Variants in PEX5L observed in about 807,000 individuals in gnomAD.
The protein encoded by PEX5L is peroxisomal biogenesis factor 5 like.
Under a neutral mutation model 84.0 loss-of-function variants are expected in PEX5L, and 30 were observed. The observed-to-expected ratio is 0.36, with a 90% CI of 0.27 to 0.48. PEX5L has a LOEUF of 0.48. Among genes scored for constraint, PEX5L ranks in the 20% least tolerant of loss-of-function variants. PEX5L has a pLI of 0.99. For synonymous variants in PEX5L, 270 were observed against 283.1 expected (o/e 0.95, Z 0.46); for missense variants, 533 against 754.6 (o/e 0.71, Z 3.44).
chr3:179,821,518 G>C (rs914374915), intron 8 of PEX5L, among the ~76,000 whole-genome samples: 11 of 152,192 alleles, frequency 7.2e-5, no homozygotes, highest in African/African-American at 2.4e-4. Flanking sequence ...ATAAGAACCA[G>C]CCCAATGTGA....
chr3:180,023,960 T>C (rs1282147560), intron 1 of PEX5L, among the ~76,000 whole-genome samples: 3 of 152,086 alleles, frequency 2.0e-5, no homozygotes, highest in Admixed American at 6.5e-5. Flanking sequence ...GATGTCTGGG[T>C]GAGGGGGCAC....
At chr3:180,034,138 CT>C (rs1175624105) in intron 1 of PEX5L, among the ~76,000 whole-genome samples, 2 of 152,314 alleles carry the variant, frequency 1.3e-5, no homozygotes, top group East Asian at 3.9e-4. Flanking sequence ...ACACCTGCCC[CT>C]ACTTCAAACT....
At position 179,809,555 on chromosome 3, in the gene PEX5L, T is replaced by C; in HGVS notation, c.1268A>G (p.Gln423Arg). 6.2e-7 allele frequency: 1 copy of C among 1,613,922 alleles called. No homozygotes were observed. Residue 423 changes from glutamine to arginine, a missense_variant, in exon 12 of 15, where the codon CAA (glutamine) becomes CGA (arginine). Around this residue, in one of 8 missense-constraint regions of PEX5L, gnomAD observed 63 missense variants for 60.2 expected, o/e 1.05. Coordinates refer to ENST00000467460, the MANE Select transcript of PEX5L (RefSeq NM_016559.3). ...CACAAGGTATTTGTACTTTGGATTT[T>C]GCTTAATCCAATTCTTCAGAGCGTC... ...ACDALKNWIK[Q>R]NPKYKYLVKS...
At position 179,796,305 on chromosome 3, in the gene PEX5L, CTCA is replaced by C. The variant is rs1295638620; in HGVS notation, c.*5520_*5522del. 6.6e-6 allele frequency: 1 copy of C among 152,074 alleles called. No homozygotes were observed. The highest frequency in any genetic ancestry group is 2.4e-5 in the African/African-American group (1 of 41,404). 9.4% of individuals were successfully genotyped at this position (152,074 alleles called of 1,614,324 possible). The stretch of plus-strand genomic sequence containing the variant: ...GGCTTCTATTAAGTATCCCACGGAG[CTCA>C]TCAGGGTTTTGCTCTGACATTCTGC... On this transcript the variant is annotated 3_prime_UTR_variant, in exon 15 of 15. Transcript: ENST00000467460.
intron 1 of PEX5L, among the ~76,000 whole-genome samples, chr3:180,033,620 G>A (rs550710814): frequency 6.6e-6 from 1 of 152,270 alleles, no homozygotes; most frequent in South Asian, 2.1e-4. Context: ...GGTATTGGTG[G>A]AATTAAGACC....
chr3:179,856,004 T>G (rs997797348), intron 8 of PEX5L, among the ~76,000 whole-genome samples: 1 of 152,186 alleles, frequency 6.6e-6, no homozygotes, highest in Non-Finnish European at 1.5e-5. Context: ...AACTCTGGAG[T>G]CTGGGTGAGA....
At chr3:179,954,204 CGGGG>C (rs542442468) in intron 2 of PEX5L, among the ~76,000 whole-genome samples, 1 of 89,568 alleles carries the variant, frequency 1.1e-5, no homozygotes, top group African/African-American at 4.2e-5. Flanking sequence ...AACCATTAGT[CGGGG>C]GGGGGGGAAA....
intron 2 of PEX5L, among the ~76,000 whole-genome samples, chr3:179,911,835 T>C (rs1376238048): frequency 6.6e-6 from 1 of 152,160 alleles, no homozygotes; most frequent in African/African-American, 2.4e-5. Context: ...TGTTAGGAAA[T>C]CTATCCAACC....
intron 3 of PEX5L, 88 bp downstream of exon 3, chr3:179,898,054 T>C: frequency 1.3e-6 from 1 of 784,098 alleles, no homozygotes; most frequent in Non-Finnish European, 2.0e-6. Context: ...GTTCAAGAGT[T>C]AAAGTTTTTT....
chr3:179,812,589 A>G (rs1724312539), intron 10 of PEX5L, among the ~76,000 whole-genome samples: 1 of 149,718 alleles, frequency 6.7e-6, no homozygotes, highest in Admixed American at 6.6e-5. Flanking sequence ...GTTGGTTGCA[A>G]TTGTTTGCTA....
At chr3:179,945,989 A>G (rs1777431307) in intron 2 of PEX5L, among the ~76,000 whole-genome samples, 1 of 151,830 alleles carries the variant, frequency 6.6e-6, no homozygotes, top group Admixed American at 6.6e-5. Context: ...GAGTGTACAG[A>G]TAGATGTGTT....
At chr3:179,817,415 C>A (rs1268129471) in intron 9 of PEX5L, among the ~76,000 whole-genome samples, 1 of 152,122 alleles carries the variant, frequency 6.6e-6, no homozygotes, top group African/African-American at 2.4e-5. Context: ...TATTGATGAA[C>A]ATTCAGGTTA....
At chr3:180,005,388 G>C (rs1256114765) in intron 1 of PEX5L, among the ~76,000 whole-genome samples, 1 of 152,052 alleles carries the variant, frequency 6.6e-6, no homozygotes, top group Non-Finnish European at 1.5e-5. Flanking sequence ...AGCCTCCTGA[G>C]TAGCTATGAC....
intron 7 of PEX5L, among the ~76,000 whole-genome samples, chr3:179,865,336 A>G (rs1747725614): frequency 6.6e-6 from 1 of 152,170 alleles, no homozygotes; most frequent in Non-Finnish European, 1.5e-5. Flanking sequence ...AATGCCATCA[A>G]AGATCAGTAA....
At chr3:179,974,212 G>A (rs909439315) in intron 1 of PEX5L, 1 of 984,978 alleles carries the variant, frequency 1.0e-6, no homozygotes, top group Non-Finnish European at 1.2e-6. Context: ...GTAGCCAAAG[G>A]ACTGAACTAG....
intron 1 of PEX5L, among the ~76,000 whole-genome samples, chr3:180,016,556 A>G (rs9858631): frequency 0.38 from 57,197 of 152,038 alleles, 13,275 homozygotes; most frequent in African/African-American, 0.67. Context: ...ATTCTTGCTG[A>G]TTTTTATCAC....
chr3:179,968,510 A>T (rs9817201), intron 2 of PEX5L, among the ~76,000 whole-genome samples: 11 of 151,958 alleles, frequency 7.2e-5, no homozygotes, highest in Admixed American at 7.2e-4. Flanking sequence ...TTTTACAAAG[A>T]CAAATATAGC....
At chr3:179,991,679 C>T (rs750073224) in intron 1 of PEX5L, among the ~76,000 whole-genome samples, 19 of 152,164 alleles carry the variant, frequency 1.2e-4, no homozygotes, top group Non-Finnish European at 2.4e-4. Context: ...CATTCACATG[C>T]GTCTTCCATC....
At chr3:179,816,113 G>C in intron 9 of PEX5L, 109 bp from the exon 10 acceptor site, 3 of 1,074,874 alleles carry the variant, frequency 2.8e-6, no homozygotes, top group Non-Finnish European at 4.1e-6. Context: ...TGGAGAGAAT[G>C]TGGAGAAACA....
Sources: gnomAD v4.1 joint callset for allele counts (sites outside exome capture counted in the v4.1 genomes callset) on GRCh38, gnomAD v4.1.1 for gene constraint, gnomAD v4.1.1 regional missense constraint, MANE v1.5 for transcripts, NCBI Gene and HGNC (gene_info 2026-07-23, HGNC 2026-07-21) for gene names.